IGSF21: variants seen among roughly 807,000 people sequenced by gnomAD.
IGSF21 encodes immunoglobin superfamily member 21.
A neutral mutation model predicts 46.8 loss-of-function variants in IGSF21; 28 were observed. That is an observed-to-expected ratio of 0.60 (90% CI 0.44 to 0.82). IGSF21 has a LOEUF of 0.82. IGSF21 is among the 40% of genes least tolerant of loss of function. The probability of loss-of-function intolerance (pLI) is 0.00; values close to 1 mark genes in which losing one functional copy is unlikely to be tolerated. For missense variants in IGSF21, 624 were observed against 665.5 expected (o/e 0.94, Z 0.69); for synonymous variants, 284 against 273.6 (o/e 1.04, Z -0.38).
At chr1:18,257,318 A>G (rs545263436) in intron 2 of IGSF21, among the ~76,000 whole-genome samples, 2 of 152,318 alleles carry the variant, frequency 1.3e-5, no homozygotes, top group South Asian at 4.2e-4. Context: ...GGCAGAATGG[A>G]AGTCAGACCT....
At chr1:18,266,558 A>T (rs1557614735) in intron 2 of IGSF21, among the ~76,000 whole-genome samples, 1 of 152,136 alleles carries the variant, frequency 6.6e-6, no homozygotes, top group Non-Finnish European at 1.5e-5. Flanking sequence ...TGTGTCTCCC[A>T]TCCTCCAGTG....
At chr1:18,317,385 G>A (rs1481284849) in intron 3 of IGSF21, among the ~76,000 whole-genome samples, 2 of 152,148 alleles carry the variant, frequency 1.3e-5, no homozygotes, top group Non-Finnish European at 1.5e-5. Context: ...CCAAGGTCAC[G>A]GTGTTTTCAA....
chr1:18,216,426 G>C (rs975955682), intron 1 of IGSF21, among the ~76,000 whole-genome samples: 1 of 152,172 alleles, frequency 6.6e-6, no homozygotes, highest in African/African-American at 2.4e-5. Context: ...GCATTAACCA[G>C]AGAGGTGGCA....
rs77556898 is a variant in IGSF21 at position 18,305,181 on chromosome 1, GGGATGGAT to G, written c.305+13212_305+13219del. Reference sequence around the variant, plus strand: ...AAGCACTCAATAAGAGATAGGGAAGGGGATGGATGGATGGATGGATGGATGAATGGATA... The same window carrying G: ...AAGCACTCAATAAGAGATAGGGAAGGGGATGGATGGATGGATGAATGGATA... On this transcript the variant is annotated intron_variant, in intron 3 of 9. Transcript: ENST00000251296. Among the ~76,000 whole-genome samples, 5 of 150,190 alleles carry G rather than the reference GGGATGGAT, an allele frequency of 3.3e-5. No homozygotes were observed. The East Asian group carries it at 6.1e-4, about 18-fold the overall frequency.
intron 2 of IGSF21, among the ~76,000 whole-genome samples, chr1:18,269,734 G>T (rs569958017): frequency 2.0e-5 from 3 of 152,256 alleles, no homozygotes; most frequent in Non-Finnish European, 4.4e-5. Context: ...CAGCAGCAAG[G>T]TGAGCCCTTT....
chr1:18,148,739 C>A (rs1302626698), intron 1 of IGSF21, among the ~76,000 whole-genome samples: 1 of 152,198 alleles, frequency 6.6e-6, no homozygotes, highest in Admixed American at 6.5e-5. Context: ...TAAGCATAGA[C>A]CCTGCCCTCA....
chr1:18,339,682 G>A (rs936787913), intron 4 of IGSF21, among the ~76,000 whole-genome samples: 4 of 152,186 alleles, frequency 2.6e-5, no homozygotes, highest in Admixed American at 6.5e-5. Context: ...CTGAGATCAC[G>A]CCACTGCTTT....
At position 18,334,318 on chromosome 1, in the gene IGSF21, T is replaced by A. The variant is rs537244562; in HGVS notation, c.306-574T>A. 1.3e-5 allele frequency among the ~76,000 whole-genome samples: 2 copies of A among 152,306 alleles called. No individual in the cohort carries two copies. The highest frequency in any genetic ancestry group is 3.9e-4 in the East Asian group (2 of 5,188). ...CTCCTTTGGGACCTGAATTTTATTG[T>A]CTTTCTCTTCCATGATCTCAGGACT... On this transcript the variant is annotated intron_variant, in intron 3 of 9. Coordinates refer to ENST00000251296, the MANE Select transcript of IGSF21 (RefSeq NM_032880.5). This position sits in a 1 kb window ranked among gnomAD's most constrained non-coding sequence, Gnocchi z 4.3.
chr1:18,370,978 A>G (rs933066733), intron 6 of IGSF21, among the ~76,000 whole-genome samples: 2 of 152,246 alleles, frequency 1.3e-5, no homozygotes, highest in African/African-American at 2.4e-5. Flanking sequence ...TGCTGACTGC[A>G]GAATAAAATG....
chr1:18,251,062 G>C (rs1212843427), intron 2 of IGSF21, among the ~76,000 whole-genome samples: 1 of 152,148 alleles, frequency 6.6e-6, no homozygotes, highest in Non-Finnish European at 1.5e-5. Context: ...GCCAGGCAGA[G>C]AGGGTATCTA....
intron 3 of IGSF21, among the ~76,000 whole-genome samples, chr1:18,305,604 AGATGGATG>A (rs1053899857): frequency 6.9e-6 from 1 of 144,158 alleles, no homozygotes; most frequent in Non-Finnish European, 1.5e-5. Flanking sequence ...GATGATGGAT[AGATGGATG>A]GATGGATGGA....
chr1:18,327,249 G>A (rs779104190), intron 3 of IGSF21, among the ~76,000 whole-genome samples: 29 of 152,182 alleles, frequency 1.9e-4, no homozygotes, highest in Non-Finnish European at 3.7e-4. Context: ...AACATGGAGT[G>A]AGCTGCTTCT....
chr1:18,365,683 C>T lies in IGSF21; in HGVS notation c.1001C>T (p.Ala334Val), dbSNP rs763085106. The T allele has an allele frequency of 1.2e-6, 2 of 1,612,290 alleles. No homozygotes were observed. The highest frequency in any genetic ancestry group is 1.3e-5 in the African/African-American group (1 of 74,896). ...CCAGCTCTGTCGATGCCCATGCAGG[C>T]AGAGGTCACGCTGGGTAAGACTTGG... The part of the protein sequence containing the change: ...KHPALSMPMQ[A>V]EVTLVAPKGP... The change falls in exon 6 of 10, where the codon GCA becomes GTA. Residue 334 changes from alanine to valine, a missense_variant. Transcript: ENST00000251296. The surrounding 1 kb of genome is among the most constrained non-coding windows in gnomAD (Gnocchi z 4.8).
intron 3 of IGSF21, among the ~76,000 whole-genome samples, chr1:18,317,540 T>C (rs1022521913): frequency 6.6e-6 from 1 of 152,204 alleles, no homozygotes; most frequent in East Asian, 1.9e-4. Flanking sequence ...AAAATGTGGA[T>C]TCTTGAGGCT....
intron 6 of IGSF21, among the ~76,000 whole-genome samples, chr1:18,370,447 T>A (rs1255265574): frequency 6.6e-6 from 1 of 152,136 alleles, no homozygotes; most frequent in Non-Finnish European, 1.5e-5. Context: ...CACACAAAAA[T>A]TAATTTGAAA....
intron 1 of IGSF21, among the ~76,000 whole-genome samples, chr1:18,222,169 A>C (rs1323240336): frequency 6.6e-6 from 1 of 152,120 alleles, no homozygotes; most frequent in Non-Finnish European, 1.5e-5. Flanking sequence ...TGAACCCCGA[A>C]GTGCTTCCAT....
Position 18,307,802 on chromosome 1 carries a change from C to T in IGSF21, c.305+15815C>T, listed in dbSNP as rs182257297. Among the ~76,000 whole-genome samples the T allele has an allele frequency of 2.4e-4, 37 of 152,292 alleles. No individual in the cohort carries two copies. The East Asian group carries it at 2.9e-3, about 12-fold the overall frequency. On this transcript the variant is annotated intron_variant, in intron 3 of 9. Transcript: ENST00000251296. The stretch of plus-strand genomic sequence containing the variant: ...AATCACAATTCTGACTCCTAAGCTG[C>T]GGTGAGGGCTGTAGTGGTTCTCATC...
chr1:18,237,554 C>T (rs187319511), intron 2 of IGSF21, among the ~76,000 whole-genome samples: 1 of 152,304 alleles, frequency 6.6e-6, no homozygotes, highest in African/African-American at 2.4e-5. Flanking sequence ...ATTACTTCAT[C>T]TTCTCTTTTC....
At chr1:18,274,793 A>G (rs2085083403) in intron 2 of IGSF21, among the ~76,000 whole-genome samples, 1 of 152,216 alleles carries the variant, frequency 6.6e-6, no homozygotes, top group Admixed American at 6.5e-5. Flanking sequence ...TGGTAGGCCA[A>G]GGTGGGCGGA....
Sources: allele counts gnomAD v4.1 joint callset (sites outside exome capture counted in the v4.1 genomes callset), GRCh38; gene constraint gnomAD v4.1.1; non-coding constraint Gnocchi (gnomAD v3.1); transcripts MANE v1.5; gene names NCBI Gene and HGNC (gene_info 2026-07-23, HGNC 2026-07-21).